Variants in EYS observed in about 807,000 individuals in gnomAD.
The protein encoded by EYS is protein eyes shut homolog.
Under a neutral mutation model 282.1 loss-of-function variants are expected in EYS, and 250 were observed. The observed-to-expected ratio is 0.89, with a 90% CI of 0.80 to 0.98. The LOEUF (loss-of-function observed/expected upper bound fraction) is 0.98. Among genes scored for constraint, EYS ranks in the 50% least tolerant of loss-of-function variants. EYS has a pLI of 0.00. For missense variants in EYS, 4,016 were observed against 3,709.0 expected (o/e 1.08, Z -2.15); for synonymous variants, 1,355 against 1,282.9 (o/e 1.06, Z -1.20).
At chr6:64,613,065 T>C (rs2149846038) in intron 24 of EYS, among the ~76,000 whole-genome samples, 1 of 152,314 alleles carries the variant, frequency 6.6e-6, no homozygotes, top group East Asian at 1.9e-4. Context: ...ATTTCAATTA[T>C]TTGAATTATT....
intron 5 of EYS, among the ~76,000 whole-genome samples, chr6:65,443,451 T>C (rs1432635002): frequency 6.7e-6 from 1 of 148,724 alleles, no homozygotes; most frequent in Non-Finnish European, 1.5e-5. Context: ...TAGCCATATG[T>C]ACATATACGC....
chr6:65,404,857 T>A (rs966270523), intron 6 of EYS, among the ~76,000 whole-genome samples: 4 of 151,984 alleles, frequency 2.6e-5, no homozygotes, highest in African/African-American at 9.7e-5. Flanking sequence ...AAATATTTCC[T>A]ACTCTTATTT....
intron 22 of EYS, among the ~76,000 whole-genome samples, chr6:64,655,512 A>G (rs1768712927): frequency 1.3e-5 from 2 of 151,914 alleles, no homozygotes; most frequent in Non-Finnish European, 2.9e-5. Flanking sequence ...CATTCACAGT[A>G]ATTAACATAG....
At chr6:64,916,905 T>C (rs1768183739) in intron 15 of EYS, among the ~76,000 whole-genome samples, 2 of 152,214 alleles carry the variant, frequency 1.3e-5, no homozygotes, top group African/African-American at 4.8e-5. Flanking sequence ...TGATTTAAAG[T>C]ACTAAAGCTG....
At chr6:65,064,667 G>T (rs1369624082) in intron 12 of EYS, among the ~76,000 whole-genome samples, 7 of 151,188 alleles carry the variant, frequency 4.6e-5, no homozygotes, top group Non-Finnish European at 1.0e-4. Context: ...TTTATATTAT[G>T]GTTCAAACTC....
chr6:64,828,846 TA>T (rs1035655706), intron 19 of EYS, among the ~76,000 whole-genome samples: 4 of 151,706 alleles, frequency 2.6e-5, no homozygotes, highest in Admixed American at 6.6e-5. Flanking sequence ...GAAGGAAAAA[TA>T]AAAAAAGTCT....
intron 13 of EYS, among the ~76,000 whole-genome samples, chr6:65,031,397 G>A (rs191419317): frequency 6.6e-6 from 1 of 151,980 alleles, no homozygotes; most frequent in East Asian, 1.9e-4. Context: ...CACATGTACA[G>A]AACACTCCAC....
intron 12 of EYS, among the ~76,000 whole-genome samples, chr6:65,252,810 A>T (rs1238430880): frequency 1.3e-5 from 2 of 152,084 alleles, no homozygotes; most frequent in African/African-American, 4.8e-5. Context: ...AAATTGAAAT[A>T]ACTGAAGTGA....
intron 36 of EYS, among the ~76,000 whole-genome samples, chr6:63,827,713 G>A (rs1211173281): frequency 4.0e-5 from 6 of 151,746 alleles, no homozygotes; most frequent in South Asian, 2.1e-4. Context: ...GCGCTGTGGC[G>A]GGCGCCTGTA....
intron 33 of EYS, among the ~76,000 whole-genome samples, chr6:64,045,905 A>ATGTGTT (rs1770601075): frequency 7.8e-6 from 1 of 127,644 alleles, no homozygotes; most frequent in Non-Finnish European, 1.7e-5. Flanking sequence ...TATAATACAT[A>ATGTGTT]TATGTTTATT....
intron 35 of EYS, among the ~76,000 whole-genome samples, chr6:63,941,293 C>T (rs1765231760): frequency 6.6e-6 from 1 of 152,158 alleles, no homozygotes; most frequent in African/African-American, 2.4e-5. Context: ...AGTTTACAGT[C>T]CCACCAACAG....
intron 12 of EYS, among the ~76,000 whole-genome samples, chr6:65,236,403 A>G (rs1027156344): frequency 1.3e-5 from 2 of 152,160 alleles, no homozygotes; most frequent in Non-Finnish European, 2.9e-5. Context: ...CGAGGTCAGG[A>G]GTTCAAGACT....
At chr6:65,277,012 G>A (rs946208398) in intron 12 of EYS, among the ~76,000 whole-genome samples, 2 of 152,088 alleles carry the variant, frequency 1.3e-5, no homozygotes, top group Non-Finnish European at 2.9e-5. Context: ...ACATGTTTAT[G>A]TTCCCCCAAA....
intron 16 of EYS, among the ~76,000 whole-genome samples, chr6:64,908,140 T>TG (rs1767886648): frequency 6.6e-6 from 1 of 152,198 alleles, no homozygotes; most frequent in African/African-American, 2.4e-5. Context: ...TCAGCCCGTT[T>TG]GGCAGACTCG....
rs190619725 is a variant in EYS at position 64,678,029 on chromosome 6, A to C, written c.3444-51784T>G. Among the ~76,000 whole-genome samples the C allele has an allele frequency of 6.0e-3, 909 of 151,982 alleles. 5 individuals are homozygous for C. The highest frequency in any genetic ancestry group is 0.02 in the African/African-American group (828 of 41,484). ...ATTTTAGTAACACTAAGAAATCAGG[A>C]TTTTTCCCCCTTGCTGTTTTATATT... On this transcript the variant is annotated intron_variant, in intron 22 of 42. Coordinates refer to ENST00000503581, the MANE Select transcript of EYS (RefSeq NM_001142800.2).
intron 30 of EYS, among the ~76,000 whole-genome samples, chr6:64,264,056 T>C (rs539003971): frequency 1.3e-5 from 2 of 152,048 alleles, no homozygotes; most frequent in Non-Finnish European, 2.9e-5. Flanking sequence ...TCTATTGGTA[T>C]AGATATTTTA....
chr6:65,660,108 T>C (rs1767954451), intron 1 of EYS, among the ~76,000 whole-genome samples: 1 of 151,734 alleles, frequency 6.6e-6, no homozygotes, highest in South Asian at 2.1e-4. Context: ...AATTTTAAAA[T>C]GGTGTCAAAA....
chr6:64,276,633 T>C (rs1026433200), intron 30 of EYS, among the ~76,000 whole-genome samples: 1 of 152,154 alleles, frequency 6.6e-6, no homozygotes, highest in Non-Finnish European at 1.5e-5. Context: ...ATGCTAGACA[T>C]GTAACAAGGC....
chr6:65,030,835 T>C lies in EYS; in HGVS notation c.2137+26779A>G, dbSNP rs114072729. On this transcript the variant is annotated intron_variant, in intron 13 of 42. Transcript: ENST00000503581. ...CTTGAATGTAAATAGGTAAATGTCT[T>C]AGTTAAAAGGCAAAGAATGGCAAGG... is the stretch of plus-strand genomic sequence containing the variant. 2.8e-3 allele frequency among the ~76,000 whole-genome samples: 422 copies of C among 152,236 alleles called. 1 individual carries two copies. Among genetic ancestry groups the C allele is most frequent in the Non-Finnish European group, 5.2e-3 (353 of 68,016 alleles).
Sources: gnomAD v4.1 joint callset for allele counts (sites outside exome capture counted in the v4.1 genomes callset) on GRCh38, gnomAD v4.1.1 for gene constraint, MANE v1.5 for transcripts, NCBI Gene and HGNC (gene_info 2026-07-23, HGNC 2026-07-21) for gene names.